The following WNT11 variants were observed in gnomAD, a reference collection of about 807,000 sequenced individuals.
WNT11 encodes the protein protein Wnt-11.
A neutral mutation model predicts 35.6 loss-of-function variants in WNT11; 20 were observed. The observed-to-expected ratio is 0.56, with a 90% CI of 0.40 to 0.82. The LOEUF (loss-of-function observed/expected upper bound fraction) is 0.82. Ranked by LOEUF, WNT11 falls within the 40% of genes least tolerant of loss-of-function variation. The probability of loss-of-function intolerance (pLI) is 0.00; values close to 1 mark genes in which losing one functional copy is unlikely to be tolerated. For synonymous variants in WNT11, 200 were observed against 211.9 expected, an observed-to-expected ratio of 0.94 and a Z score of 0.49; for missense variants, 459 against 504.4, an observed-to-expected ratio of 0.91 and a Z score of 0.86.
intron 1 of WNT11, among the ~76,000 whole-genome samples, chr11:76,197,707 T>C (rs1006754966): frequency 1.3e-5 from 2 of 152,146 alleles, no homozygotes; most frequent in Non-Finnish European, 2.9e-5. Flanking sequence ...TGGGTCCCTA[T>C]GAACCCTGGT....
upstream of WNT11, chr11:76,210,415 C>T: frequency 3.0e-6 from 3 of 985,262 alleles, no homozygotes; most frequent in Middle Eastern, 5.2e-4. Flanking sequence ...CTCGGGCGCC[C>T]CCAGCCCTGG....
At chr11:76,210,753 G>A, upstream of WNT11, 3 of 856,850 alleles carry the variant, frequency 3.5e-6, no homozygotes, top group Non-Finnish European at 4.2e-6. Context: ...CTCGCCTGGC[G>A]CGATCTCCGG....
upstream of WNT11, among the ~76,000 whole-genome samples, chr11:76,208,734 C>T (rs1225061513): frequency 2.6e-5 from 4 of 152,212 alleles, no homozygotes; most frequent in African/African-American, 9.6e-5. Flanking sequence ...CCCAGGCCTC[C>T]AGCCCCGCCC....
chr11:76,196,199 A>G (rs191064887), intron 2 of WNT11, among the ~76,000 whole-genome samples: 135 of 152,248 alleles, frequency 8.9e-4, no homozygotes, highest in African/African-American at 2.6e-3. Flanking sequence ...TCCTTCATTC[A>G]TGCATGGGGG....
chr11:76,187,134 C>G lies in WNT11; in HGVS notation c.996G>C (p.Lys332Asn). The G allele has an allele frequency of 1.2e-6, 2 of 1,612,540 alleles. No individual in the cohort carries two copies. The highest frequency in any genetic ancestry group is 1.7e-6 in the Non-Finnish European group (2 of 1,180,034). Residue 332 changes from lysine (K) to asparagine (N), a missense_variant, in exon 5 of 5, where the codon AAG (lysine) becomes AAC (asparagine). Coordinates refer to ENST00000322563, the MANE Select transcript of WNT11 (RefSeq NM_004626.3). ...TDRVVERCHC[K>N]YHWCCYVTCR... ...AGGTGACGTAGCAGCACCAGTGGTACTTACAGTGGCACCGCTCGACCACGC... is the reference window on the plus strand; with the variant it reads ...AGGTGACGTAGCAGCACCAGTGGTAGTTACAGTGGCACCGCTCGACCACGC...
chr11:76,209,447 C>T (rs1402707), upstream of WNT11, among the ~76,000 whole-genome samples: 22,293 of 152,190 alleles, frequency 0.15, 2,183 homozygotes, highest in Non-Finnish European at 0.22. Context: ...CCACGGGCAC[C>T]GTGCACCGGG....
Position 76,199,583 on chromosome 11 carries a change from T to C in WNT11, c.84-2865A>G, listed in dbSNP as rs143852877. On this transcript the variant is annotated intron_variant, in intron 1 of 4. Transcript: ENST00000322563. ...AATTTGGGAGGCTGAGGCGGGCAAA[T>C]CATGAGGTCAGAAGATCAAGACCAT... Among the ~76,000 whole-genome samples the C allele has an allele frequency of 3.7e-4, 56 of 151,960 alleles. No individual in the cohort carries two copies. The East Asian group carries it at 0.011, about 29-fold the overall frequency.
chr11:76,197,394 A>T (rs762520073), intron 1 of WNT11, among the ~76,000 whole-genome samples: 4 of 152,218 alleles, frequency 2.6e-5, no homozygotes, highest in Admixed American at 6.5e-5. Flanking sequence ...GATCTTAGAT[A>T]ATTCATTGCC....
intron 4 of WNT11, among the ~76,000 whole-genome samples, chr11:76,187,549 G>A (rs1555004153): frequency 6.6e-6 from 1 of 151,868 alleles, no homozygotes; most frequent in Non-Finnish European, 1.5e-5. Context: ...CTGCAGCCTT[G>A]ACCCCCGCCT....
chr11:76,191,875 G>T lies in WNT11; in HGVS notation c.598-19C>A. On this transcript the variant is annotated intron_variant, in intron 3 of 4. Coordinates refer to ENST00000322563, the MANE Select transcript of WNT11 (RefSeq NM_004626.3). ...GCAGAGCCTGCGGACAGGGGAAGGC[G>T]TCAGCTGGGTGGCCAGAGTCCCCTC... The T allele has an allele frequency of 6.3e-7, 1 of 1,583,636 alleles. No individual in the cohort carries two copies. Among genetic ancestry groups the T allele is most frequent in the South Asian group, 1.1e-5 (1 of 89,552 alleles).
intron 4 of WNT11, among the ~76,000 whole-genome samples, chr11:76,189,314 CG>C (rs978555334): frequency 2.4e-4 from 36 of 149,640 alleles, no homozygotes; most frequent in African/African-American, 8.8e-4. Flanking sequence ...AGACAAGGCC[CG>C]GGTGCCTGGG....
At chr11:76,192,040 G>A (rs543258955) in intron 3 of WNT11, among the ~76,000 whole-genome samples, 184 bp from the exon 4 acceptor site, 4 of 152,258 alleles carry the variant, frequency 2.6e-5, no homozygotes, top group Admixed American at 2.0e-4. Flanking sequence ...AACCGTGGGG[G>A]GCACAGCTGA....
upstream of WNT11, among the ~76,000 whole-genome samples, chr11:76,209,679 G>A (rs1178372291): frequency 6.8e-6 from 1 of 146,396 alleles, no homozygotes; most frequent in Non-Finnish European, 1.5e-5. Flanking sequence ...GGTCACCCGG[G>A]AGACGGGTTG....
At chr11:76,202,974 T>C (rs996298052) in intron 1 of WNT11, among the ~76,000 whole-genome samples, 26 of 152,310 alleles carry the variant, frequency 1.7e-4, no homozygotes, top group Admixed American at 5.2e-4. Flanking sequence ...GCCTCACACA[T>C]GCTGACCCAC....
chr11:76,206,348 G>C lies in WNT11; in HGVS notation c.60C>G (p.Gly20=). The change falls in exon 1 of 5, where the codon GGC becomes GGG. Residue 20 remains glycine (G), a synonymous_variant. Transcript: ENST00000322563. ...ACAGCCACTTGATGCCATAGCACAC[G>C]CCGGTCTGGAGCGCCAGGGCGAAGA... ...ALLFALALQT[G]VCYGIKWLAL... 6.4e-7 allele frequency: 1 copy of C among 1,574,126 alleles called. No homozygotes were observed. Among genetic ancestry groups the C allele is most frequent in the Non-Finnish European group, 8.6e-7 (1 of 1,164,790 alleles).
intron 1 of WNT11, among the ~76,000 whole-genome samples, chr11:76,197,751 A>G (rs1953311684): frequency 6.6e-6 from 1 of 152,076 alleles, no homozygotes; most frequent in Non-Finnish European, 1.5e-5. Flanking sequence ...CCCAGATCCC[A>G]GCTCTGGGCA....
At position 76,187,020 on chromosome 11, in the gene WNT11, C is replaced by T. The variant is rs757948484; in HGVS notation, c.*45G>A. ...GCCCCTGGCCCCAGTTGCTGAGGGT[C>T]CTTGAGCAGAGTCCTCGCTCCTGCG... On this transcript the variant is annotated 3_prime_UTR_variant, in exon 5 of 5. Transcript: ENST00000322563. The T allele has an allele frequency of 3.1e-6, 5 of 1,602,850 alleles. No homozygotes were observed. In the South Asian group the frequency reaches 4.4e-5, roughly 14 times the overall value.
chr11:76,203,096 T>C (rs555155529), intron 1 of WNT11, among the ~76,000 whole-genome samples: 1 of 152,230 alleles, frequency 6.6e-6, no homozygotes, highest in South Asian at 2.1e-4. Flanking sequence ...ACTGTGCAAG[T>C]GGGGAAACTG....
At chr11:76,187,534 G>T (rs1166060587) in intron 4 of WNT11, among the ~76,000 whole-genome samples, 1 of 149,836 alleles carries the variant, frequency 6.7e-6, no homozygotes, top group Non-Finnish European at 1.5e-5. Context: ...TGTGATCATG[G>T]CTCCCTGCAG....
Sources: gnomAD v4.1 joint callset for allele counts (sites outside exome capture counted in the v4.1 genomes callset) on GRCh38, gnomAD v4.1.1 for gene constraint, MANE v1.5 for transcripts, NCBI Gene and HGNC (gene_info 2026-07-23, HGNC 2026-07-21) for gene names.